IFT74: variants seen among roughly 807,000 people sequenced by gnomAD.
IFT74 encodes intraflagellar transport protein 74 homolog.
In IFT74, 92 loss-of-function variants were observed where a neutral mutation model predicts 96.7. The observed-to-expected ratio is 0.95, with a 90% CI of 0.80 to 1.13. IFT74 has a LOEUF of 1.13. Ranked by LOEUF, IFT74 falls within the 50% of genes most tolerant of loss-of-function variation. IFT74 has a pLI of 0.00. For synonymous variants in IFT74, 223 were observed against 213.2 expected, an observed-to-expected ratio of 1.05 and a Z score of -0.40; for missense variants, 811 against 698.2, an observed-to-expected ratio of 1.16 and a Z score of -1.82.
At chr9:27,018,208 C>T (rs1179940413) in intron 11 of IFT74, among the ~76,000 whole-genome samples, 1 of 152,092 alleles carries the variant, frequency 6.6e-6, no homozygotes, top group Non-Finnish European at 1.5e-5. Context: ...TATTGCTTGT[C>T]AATGATATGG....
intron 4 of IFT74, among the ~76,000 whole-genome samples, chr9:26,981,215 A>T (rs1043194254): frequency 1.3e-5 from 2 of 152,112 alleles, no homozygotes; most frequent in Non-Finnish European, 2.9e-5. Flanking sequence ...TTTCAGAGGG[A>T]CTCAAACATT....
Position 27,010,745 on chromosome 9 carries a change from G to A in IFT74, c.727-1161G>A, listed in dbSNP as rs528931901. Among the ~76,000 whole-genome samples, 10 of 152,056 alleles carry A rather than the reference G, an allele frequency of 6.6e-5. No individual in the cohort carries two copies. In the South Asian group the frequency reaches 2.1e-3, roughly 32 times the overall value. On this transcript the variant is annotated intron_variant, in intron 9 of 19. Coordinates refer to ENST00000380062, the MANE Select transcript of IFT74 (RefSeq NM_025103.4). Reference sequence around the variant, plus strand: ...GGCTTCCCAAAGTGCTGGTATTACAGGCGTGAGCCACTGTGCCCGGCCGAG... The same window carrying A: ...GGCTTCCCAAAGTGCTGGTATTACAAGCGTGAGCCACTGTGCCCGGCCGAG...
intron 12 of IFT74, among the ~76,000 whole-genome samples, chr9:27,022,520 A>T (rs1047347143): frequency 6.6e-6 from 1 of 151,972 alleles, no homozygotes; most frequent in East Asian, 1.9e-4. Flanking sequence ...AGTGTTTTGT[A>T]GTTTTCCTTG....
At chr9:27,051,793 A>G (rs1291027135) in intron 16 of IFT74, among the ~76,000 whole-genome samples, 1 of 152,202 alleles carries the variant, frequency 6.6e-6, no homozygotes. Context: ...GCATGTATAT[A>G]TCATATTTTA....
chr9:26,986,489 G>C (rs577751160), intron 6 of IFT74, among the ~76,000 whole-genome samples: 1 of 151,456 alleles, frequency 6.6e-6, no homozygotes, highest in African/African-American at 2.4e-5. Context: ...CTAATTTTTT[G>C]TATTTTTTGT....
intron 8 of IFT74, chr9:26,995,743 G>T: frequency 6.2e-7 from 1 of 1,613,732 alleles, no homozygotes; most frequent in Non-Finnish European, 8.5e-7. Flanking sequence ...GCAGAATATT[G>T]TACCATATTG....
chr9:27,007,150 T>C (rs1056474530), intron 8 of IFT74, among the ~76,000 whole-genome samples: 36 of 152,110 alleles, frequency 2.4e-4, no homozygotes, highest in African/African-American at 6.3e-4. Flanking sequence ...TTACTTACTT[T>C]TATGACACCA....
At chr9:26,995,496 T>C (rs1828096979) in intron 8 of IFT74, 1 of 1,424,604 alleles carries the variant, frequency 7.0e-7, no homozygotes, top group East Asian at 2.4e-5. Context: ...ATAACTTTGC[T>C]TTAAAAAGCA....
At chr9:27,025,430 G>A (rs1829812210) in intron 12 of IFT74, among the ~76,000 whole-genome samples, 1 of 124,270 alleles carries the variant, frequency 8.0e-6, no homozygotes, top group African/African-American at 3.0e-5. Flanking sequence ...GTGACAGAGT[G>A]AGACTCCATC....
At position 27,064,827 on chromosome 9, in the gene IFT74, T is replaced by C. The variant is rs917652350; in HGVS notation, c.*2091T>C. Among the ~76,000 whole-genome samples the C allele has an allele frequency of 6.6e-6, 1 of 152,116 alleles. No homozygotes were observed. Among genetic ancestry groups the C allele is most frequent in the Non-Finnish European group, 1.5e-5 (1 of 67,978 alleles). The stretch of plus-strand genomic sequence containing the variant: ...TAACCAACTTAGTAATTTTTACTAT[T>C]AGTAATAAGGGTTTTTTTCTGAGTG... On this transcript the variant is annotated 3_prime_UTR_variant, in exon 20 of 20. Coordinates refer to ENST00000380062, the MANE Select transcript of IFT74 (RefSeq NM_025103.4).
At chr9:26,977,037 C>T (rs564199268) in intron 2 of IFT74, among the ~76,000 whole-genome samples, 8 of 151,918 alleles carry the variant, frequency 5.3e-5, no homozygotes, top group African/African-American at 1.7e-4. Flanking sequence ...TGCAATAAGG[C>T]GGAAAATACC....
chr9:27,060,645 A>G lies in IFT74; in HGVS notation c.1678A>G (p.Lys560Glu), dbSNP rs960680192. 2.5e-6 allele frequency: 4 copies of G among 1,600,570 alleles called. No homozygotes were observed. Among genetic ancestry groups the G allele is most frequent in the Non-Finnish European group, 1.7e-6 (2 of 1,171,402 alleles). The change falls in exon 19 of 20, where the codon AAA becomes GAA. Residue 560 changes from lysine (K) to glutamate (E), a missense_variant. Transcript: ENST00000380062. ...QHLEQNNFAM[K>E]EFIATKSQES... ...CCTTGAGCAAAATAATTTTGCGATG[A>G]AAGAATGTATCCTTTAAAAAGCTGA...
chr9:27,022,313 C>T, intron 12 of IFT74, among the ~76,000 whole-genome samples: 1 of 152,148 alleles, frequency 6.6e-6, no homozygotes, highest in Non-Finnish European at 1.5e-5. Context: ...TTTGGCTATG[C>T]AGGCTCGCTT....
intron 12 of IFT74, among the ~76,000 whole-genome samples, chr9:27,021,939 T>C (rs1305514480): frequency 5.3e-5 from 8 of 152,222 alleles, no homozygotes; most frequent in Admixed American, 5.2e-4. Context: ...TCTGATGTTA[T>C]CTTCTAGAAT....
At chr9:26,952,576 C>A (rs938411222), upstream of IFT74, among the ~76,000 whole-genome samples, 7 of 152,126 alleles carry the variant, frequency 4.6e-5, no homozygotes, top group Middle Eastern at 3.4e-3. Context: ...TGTGCCTTGC[C>A]GAAAGTTTAT....
intron 2 of IFT74, among the ~76,000 whole-genome samples, chr9:26,963,646 C>A (rs971272649): frequency 6.6e-6 from 1 of 151,774 alleles, no homozygotes; most frequent in Non-Finnish European, 1.5e-5. Flanking sequence ...TTAATGATCG[C>A]CATTCTAACT....
rs1208897589 is a variant in IFT74, at chr9:27,066,016, T to G, written c.*3280T>G. On this transcript the variant is annotated 3_prime_UTR_variant, in exon 20 of 20. Coordinates refer to ENST00000380062, the MANE Select transcript of IFT74 (RefSeq NM_025103.4). Reference sequence around the variant, plus strand: ...AGATAAATAAAATGAAGAAAGTAAGTTACTTGTGATCTCACCAGTCTTTTT... The same window carrying G: ...AGATAAATAAAATGAAGAAAGTAAGGTACTTGTGATCTCACCAGTCTTTTT... Among the ~76,000 whole-genome samples the G allele has an allele frequency of 6.6e-6, 1 of 152,214 alleles. No individual in the cohort carries two copies. Among genetic ancestry groups the G allele is most frequent in the Non-Finnish European group, 1.5e-5 (1 of 68,038 alleles).
chr9:27,059,979 C>T (rs1018828770), intron 18 of IFT74, among the ~76,000 whole-genome samples: 4 of 152,096 alleles, frequency 2.6e-5, no homozygotes, highest in Non-Finnish European at 4.4e-5. Flanking sequence ...ATCAGAAAAA[C>T]AATATAATTC....
chr9:27,059,262 T>C (rs1402891754), intron 18 of IFT74, among the ~76,000 whole-genome samples: 1 of 152,220 alleles, frequency 6.6e-6, no homozygotes, highest in African/African-American at 2.4e-5. Context: ...TCTTTCACAA[T>C]TATCTTCTTG....
Sources: gnomAD v4.1 joint callset for allele counts (sites outside exome capture counted in the v4.1 genomes callset) on GRCh38, gnomAD v4.1.1 for gene constraint, MANE v1.5 for transcripts, NCBI Gene and HGNC (gene_info 2026-07-23, HGNC 2026-07-21) for gene names.